Variants in NAPRT observed in about 807,000 individuals in gnomAD.
The protein encoded by NAPRT is FHA-HIT-interacting protein.
In NAPRT, 66 loss-of-function variants were observed where a neutral mutation model predicts 60.7. That is an observed-to-expected ratio of 1.09 (90% CI 0.89 to 1.33). The LOEUF (loss-of-function observed/expected upper bound fraction) is 1.33. Ranked by LOEUF, NAPRT falls within the 40% of genes most tolerant of loss-of-function variation. NAPRT has a pLI of 0.00. For missense variants in NAPRT, 818 were observed against 731.5 expected (o/e 1.12, Z -1.36); for synonymous variants, 405 against 335.7 (o/e 1.21, Z -2.26).
In NAPRT at chr8:143,575,506, T is replaced by C. The variant is rs1469775566; in HGVS notation, c.1208A>G (p.Gln403Arg). Residue 403 changes from glutamine to arginine, a missense_variant, in exon 10 of 13, where the codon CAG becomes CGG. Physicochemically the swap from Gln to Arg is conservative, Grantham distance 43. Transcript: ENST00000449291. ...GTCCTCGGTCAGCTTCATTCGTGGC[T>C]GGCCCCCCACGGCCACCAGCTGCAG... ...GVYKLVAVGG[Q>R]PRMKLTEDPE... 6 of 1,598,800 alleles carry C rather than the reference T, an allele frequency of 3.8e-6. No individual in the cohort carries two copies. Among genetic ancestry groups the C allele is most frequent in the Non-Finnish European group, 2.6e-6 (3 of 1,168,330 alleles).
Position 143,574,811 on chromosome 8 carries a change from T to C in NAPRT, c.*27A>G, listed in dbSNP as rs1390666156. On this transcript the variant is annotated 3_prime_UTR_variant, in exon 13 of 13. Coordinates refer to ENST00000449291, the MANE Select transcript of NAPRT (RefSeq NM_145201.6). ...GTGGGGAAAAGTGAGTGATTCGTGT[T>C]GTTTCCAGTCAGCCCCGCTCCGAGT... The C allele has an allele frequency of 1.3e-6, 2 of 1,550,530 alleles. No homozygotes were observed. Among genetic ancestry groups the C allele is most frequent in the Non-Finnish European group, 8.7e-7 (1 of 1,146,824 alleles).
intron 9 of NAPRT, 33 bp downstream of exon 9, chr8:143,575,589 T>C (rs1824383503): frequency 1.3e-6 from 2 of 1,585,922 alleles, no homozygotes; most frequent in African/African-American, 1.3e-5. Context: ...CCCTCAGACC[T>C]GCCCCCACCT....
At position 143,575,341 on chromosome 8, in the gene NAPRT, A is replaced by T. The variant is rs552313427; in HGVS notation, c.1296T>A (p.Ser432=). Reference sequence around the variant, plus strand: ...CTAACTGCAGCATGTCCATGAGTGGAGACCCTGTGTGGACGGGGCAAGAAT... The same window carrying T: ...CTAACTGCAGCATGTCCATGAGTGGTGACCCTGTGTGGACGGGGCAAGAAT... The part of the protein sequence containing the change: ...AAFRLLGSDG[S]PLMDMLQLAE... The change falls in exon 11 of 13, where the codon TCT becomes TCA. Residue 432 remains serine, a synonymous_variant. Transcript: ENST00000449291. 33 of 1,611,530 alleles carry T rather than the reference A, an allele frequency of 2.0e-5. No individual in the cohort carries two copies. In the South Asian group the frequency reaches 2.6e-4, roughly 13 times the overall value.
chr8:143,576,925 G>C (rs1257868823), intron 5 of NAPRT, 83 bp from the exon 6 acceptor site: 12 of 1,506,408 alleles, frequency 8.0e-6, no homozygotes, highest in Non-Finnish European at 1.1e-5. Context: ...TAGTTTGAGA[G>C]CAAAGGTAAT....
At position 143,575,662 on chromosome 8, in the gene NAPRT, A is replaced by C; in HGVS notation, c.1148T>G (p.Val383Gly). The change falls in exon 9 of 13, where the codon GTC becomes GGC. Residue 383 changes from valine (V) to glycine (G), a missense_variant. Coordinates refer to ENST00000449291, the MANE Select transcript of NAPRT (RefSeq NM_145201.6). ...VNVIGIGTSV[V>G]TCPQQPSLGG... is the part of the protein sequence containing the mutation. ...CAGGGAAGGCTGTTGGGGGCAGGTG[A>C]CCACACTGGTGCCAATGCCAATGAC... is the stretch of plus-strand genomic sequence containing the variant. 6.3e-7 allele frequency: 1 copy of C among 1,595,830 alleles called. No individual in the cohort carries two copies. Among genetic ancestry groups the C allele is most frequent in the Non-Finnish European group, 8.5e-7 (1 of 1,172,204 alleles).
downstream of NAPRT, chr8:143,573,727 CGGGTGCCCTGG>C (rs1210721344): frequency 4.0e-5 from 3 of 75,434 alleles, no homozygotes; most frequent in Admixed American, 2.9e-4. Context: ...TCGGAGTGCG[CGGGTGCCCTGG>C]GGGTGCCTGG....
Position 143,574,969 on chromosome 8 carries a change from G to C in NAPRT, c.1554+17C>G, listed in dbSNP as rs981697515. ...GGGGCGCACAGGGCAGAATGACAGG[G>C]TGGGCCTCCCCCCAACCTGGTACTG... On this transcript the variant is annotated intron_variant, in intron 12 of 12. Transcript: ENST00000449291. 1 of 1,546,666 alleles carries C rather than the reference G, an allele frequency of 6.5e-7. No homozygotes were observed. Among genetic ancestry groups the C allele is most frequent in the Non-Finnish European group, 8.7e-7 (1 of 1,144,724 alleles).
downstream of NAPRT, chr8:143,573,687 GGAA>G (rs1316642624): frequency 6.6e-6 from 1 of 152,288 alleles, no homozygotes; most frequent in African/African-American, 2.4e-5. Context: ...GTGCAAGAAC[GGAA>G]GAATACAGCC....
In NAPRT at chr8:143,576,706, G is replaced by A. The variant is rs775817463; in HGVS notation, c.821C>T (p.Ala274Val). The A allele has an allele frequency of 9.3e-6, 15 of 1,610,666 alleles. No homozygotes were observed. The highest frequency in any genetic ancestry group is 8.3e-5 in the Admixed American group (5 of 59,898). The change falls in exon 6 of 13, where the codon GCC becomes GTC. Residue 274 changes from alanine (A) to valine (V), a missense_variant. Ala to Val is a moderately conservative substitution (Grantham distance 64). Coordinates refer to ENST00000449291, the MANE Select transcript of NAPRT (RefSeq NM_145201.6). ...GGCCCGGGGAAAAGCCAAGGCATAG[G>A]CCACAAAGGCTGCCCGCTCGCCTGG... ...PHPGERAAFV[A>V]YALAFPRAFQ...
chr8:143,577,167 G>A lies in NAPRT; in HGVS notation c.579C>T (p.Ser193=). ...STYSYLGGFD[S]SSNVLAGQLR... ...GCTGGCCCGCTAGCACGTTGCTGCT[G>A]CTGTCGAAGCCTGGGGAGGAAGGCG... is the stretch of plus-strand genomic sequence containing the variant. The change falls in exon 5 of 13, where the codon AGC becomes AGT. Residue 193 remains serine, a synonymous_variant. Transcript: ENST00000449291. The A allele has an allele frequency of 6.2e-7, 1 of 1,612,082 alleles. No individual in the cohort carries two copies. The highest frequency in any genetic ancestry group is 8.5e-7 in the Non-Finnish European group (1 of 1,179,368).
rs1474502617 is a variant in NAPRT at position 143,577,470 on chromosome 8, G to C, written c.438-71C>G. 3.3e-6 allele frequency: 5 copies of C among 1,524,890 alleles called. No homozygotes were observed. In the African/African-American group the frequency reaches 6.8e-5, roughly 21 times the overall value. The allele number at this position is 1,524,890 out of a possible 1,614,324, so 94.5% of individuals were successfully genotyped here. A position where few individuals can be genotyped will look rare whatever the true frequency, so the allele number is the denominator to read the frequency against. ...GGCCACCCAAGACGGCGGTTACCTG[G>C]GGCCTGGAACTTCCAACCTGGGAGC... On this transcript the variant is annotated intron_variant, in intron 3 of 12. Coordinates refer to ENST00000449291, the MANE Select transcript of NAPRT (RefSeq NM_145201.6).
chr8:143,576,599 G>A (rs1824477849), intron 6 of NAPRT, 27 bp from the exon 7 acceptor site: 6 of 1,606,096 alleles, frequency 3.7e-6, no homozygotes, highest in Admixed American at 1.7e-5. Context: ...GGGAGTCAGA[G>A]GCTGCTGAGG....
In NAPRT at chr8:143,576,774, C is replaced by T; in HGVS notation, c.753G>A (p.Glu251=). The T allele has an allele frequency of 1.2e-6, 2 of 1,608,008 alleles. No homozygotes were observed. Among genetic ancestry groups the T allele is most frequent in the Non-Finnish European group, 1.7e-6 (2 of 1,178,836 alleles). ...CCAGCCCCAGGTGGGCACACACCTG[C>T]TCCAGCCACACCTGGGCTTTGGCCG... ...DLAAKAQVWL[E]QVCAHLGLGV... Residue 251 remains glutamate, a synonymous_variant, in exon 6 of 13, where the codon GAG becomes GAA. Coordinates refer to ENST00000449291, the MANE Select transcript of NAPRT (RefSeq NM_145201.6).
Position 143,577,329 on chromosome 8 carries a change from G to A in NAPRT, c.508C>T (p.Leu170=). The A allele has an allele frequency of 6.2e-7, 1 of 1,606,000 alleles. No individual in the cohort carries two copies. Residue 170 remains leucine (L), a synonymous_variant, in exon 4 of 13, where the codon CTG becomes TTG. Coordinates refer to ENST00000449291, the MANE Select transcript of NAPRT (RefSeq NM_145201.6). The stretch of plus-strand genomic sequence containing the variant: ...CCATCGGGGCCCTGAGCCCGCCTCA[G>A]GCCCATCTCTAGCAGCCGCTTCTCT... The part of the protein sequence containing the change: ...GPEKRLLEMG[L]RRAQGPDGGL...
At chr8:143,577,454 A>G (rs1457566963) in intron 3 of NAPRT, 55 bp from the exon 4 acceptor site, 3 of 1,555,642 alleles carry the variant, frequency 1.9e-6, no homozygotes, top group Non-Finnish European at 2.6e-6. Context: ...AGGCCACCCA[A>G]GACGGCGGTT....
Position 143,578,285 on chromosome 8 carries a change from CCG to C in NAPRT, c.32_33del (p.Ala11GlyfsTer8). 2 of 1,409,522 alleles carry C rather than the reference CCG, an allele frequency of 1.4e-6. No individual in the cohort carries two copies. The highest frequency in any genetic ancestry group is 1.5e-5 in the African/African-American group (1 of 65,906). 87.3% of individuals were successfully genotyped at this position (1,409,522 alleles called of 1,614,324 possible). ...AGGTCAGTGAGCAGCGGCCGCGCCGCCGCGCGCGCCTCGGGGTCCTGCTCCGC... is the reference window on the plus strand; with the variant it reads ...AGGTCAGTGAGCAGCGGCCGCGCCGCCGCGCGCCTCGGGGTCCTGCTCCGC... MAAEQDPEARAAARPLLTDLY... is the reference protein window; with the variant it reads MAAEQDPEARXAARPLLTDLY... On this transcript the variant is annotated frameshift_variant, in exon 1 of 13. Transcript: ENST00000449291. LOFTEE classifies it high-confidence loss of function.
intron 7 of NAPRT, 131 bp downstream of exon 7, chr8:143,576,301 C>T (rs1824450450): frequency 6.4e-6 from 9 of 1,406,538 alleles, no homozygotes; most frequent in Non-Finnish European, 8.7e-6. Context: ...GGGAGCCCCA[C>T]CACTTACTTC....
At chr8:143,574,780 C>T, downstream of NAPRT, 1 of 1,544,230 alleles carries the variant, frequency 6.5e-7, no homozygotes, top group Non-Finnish European at 8.8e-7. Flanking sequence ...CAACACAGGA[C>T]AAGCTGTGGG....
chr8:143,577,900 A>AG lies in NAPRT; in HGVS notation c.269dup (p.Ala91CysfsTer137). 6.2e-7 allele frequency: 1 copy of AG among 1,612,154 alleles called. No individual in the cohort carries two copies. The highest frequency in any genetic ancestry group is 8.5e-7 in the Non-Finnish European group (1 of 1,179,620). On this transcript the variant is annotated frameshift_variant, in exon 2 of 13. Transcript: ENST00000449291. LOFTEE classifies it high-confidence loss of function. ...GGGCCCGAAGGTGCTCGAAGAACGCAGGATCCGTGTCTGGGGGCAGCACCG... is the reference window on the plus strand; with the variant it reads ...GGGCCCGAAGGTGCTCGAAGAACGCAGGGATCCGTGTCTGGGGGCAGCACCG...
Sources: allele counts gnomAD v4.1 joint callset, GRCh38; gene constraint gnomAD v4.1.1; transcripts MANE v1.5; gene names NCBI Gene and HGNC (gene_info 2026-07-23, HGNC 2026-07-21).